The following TMTC2 variants were observed in gnomAD, a reference collection of about 807,000 sequenced individuals.
TMTC2 encodes transmembrane O-mannosyltransferase targeting cadherins 2.
TMTC2 carries 43 observed loss-of-function variants against 82.4 expected under a neutral mutation model. The observed-to-expected ratio is 0.52, with a 90% CI of 0.41 to 0.67. The LOEUF (loss-of-function observed/expected upper bound fraction) is 0.67. Among genes scored for constraint, TMTC2 ranks in the 30% least tolerant of loss-of-function variants. The pLI is 0.00. For missense variants in TMTC2, 919 were observed against 1,012.4 expected, an observed-to-expected ratio of 0.91 and a Z score of 1.25; for synonymous variants, 408 against 381.9, an observed-to-expected ratio of 1.07 and a Z score of -0.80.
At chr12:83,053,888 C>A (rs7304484) in intron 10 of TMTC2, among the ~76,000 whole-genome samples, 67,917 of 151,822 alleles carry the variant, frequency 0.45, 15,801 homozygotes, top group African/African-American at 0.59. Context: ...AGTGCTTCAC[C>A]AGAACACTCT....
intron 2 of TMTC2, among the ~76,000 whole-genome samples, chr12:82,875,297 T>C (rs1872426840): frequency 6.6e-6 from 1 of 152,162 alleles, no homozygotes; most frequent in Non-Finnish European, 1.5e-5. Context: ...TTTTTACTTT[T>C]ATCTGACACT....
At chr12:83,112,781 T>C (rs1022407738) in intron 11 of TMTC2, among the ~76,000 whole-genome samples, 6 of 152,214 alleles carry the variant, frequency 3.9e-5, no homozygotes, top group Non-Finnish European at 8.8e-5. Flanking sequence ...AGATGACATG[T>C]GGCCAAGCTT....
At chr12:83,055,391 G>A (rs1027515997) in intron 10 of TMTC2, among the ~76,000 whole-genome samples, 1 of 151,948 alleles carries the variant, frequency 6.6e-6, no homozygotes, top group Admixed American at 6.6e-5. Context: ...GACATTTTTA[G>A]TACTTCAAAC....
At chr12:82,922,738 G>A (rs1875469782) in intron 3 of TMTC2, among the ~76,000 whole-genome samples, 1 of 152,004 alleles carries the variant, frequency 6.6e-6, no homozygotes, top group African/African-American at 2.4e-5. Context: ...GATATTTTGG[G>A]CATGAATCAA....
intron 11 of TMTC2, among the ~76,000 whole-genome samples, chr12:83,089,752 G>A (rs746615063): frequency 3.5e-4 from 53 of 151,268 alleles, no homozygotes; most frequent in African/African-American, 1.3e-3. Flanking sequence ...TGTGGATCTC[G>A]CATAAGCCAT....
At chr12:83,086,297 C>G (rs1379974895) in intron 11 of TMTC2, among the ~76,000 whole-genome samples, 1 of 152,082 alleles carries the variant, frequency 6.6e-6, no homozygotes, top group Non-Finnish European at 1.5e-5. Context: ...GTGGGGCGGC[C>G]GGGCAGAGGC....
chr12:83,073,118 G>A (rs1883172658), intron 11 of TMTC2, among the ~76,000 whole-genome samples: 1 of 151,688 alleles, frequency 6.6e-6, no homozygotes, highest in South Asian at 2.1e-4. Flanking sequence ...GTGTTTTGAT[G>A]TGTTTCCAGG....
At chr12:82,990,946 G>A (rs1879373344) in intron 8 of TMTC2, among the ~76,000 whole-genome samples, 1 of 152,126 alleles carries the variant, frequency 6.6e-6, no homozygotes, top group African/African-American at 2.4e-5. Context: ...AGGGTGGCAT[G>A]ATTATAGAGT....
chr12:83,064,135 ATTTTTG>A (rs1882838836), intron 11 of TMTC2, among the ~76,000 whole-genome samples: 1 of 151,694 alleles, frequency 6.6e-6, no homozygotes, highest in Admixed American at 6.6e-5. Context: ...TATCATGTTG[ATTTTTG>A]GTCAAGTGGT....
intron 4 of TMTC2, among the ~76,000 whole-genome samples, chr12:82,937,168 A>G (rs867577571): frequency 1.8e-4 from 28 of 152,244 alleles, no homozygotes; most frequent in African/African-American, 6.5e-4. Context: ...ACTACAAGGT[A>G]CATAGCTTAA....
chr12:82,992,783 A>T (rs1316199956), intron 8 of TMTC2, among the ~76,000 whole-genome samples: 3 of 152,146 alleles, frequency 2.0e-5, no homozygotes, highest in Non-Finnish European at 4.4e-5. Context: ...AGGAATCTCC[A>T]AAATCTCTCA....
intron 1 of TMTC2, among the ~76,000 whole-genome samples, chr12:82,852,040 G>C (rs1018051332): frequency 1.3e-5 from 2 of 151,332 alleles, no homozygotes; most frequent in Non-Finnish European, 2.9e-5. Context: ...CAAAAACAAA[G>C]AGCCACAAAT....
At chr12:82,949,675 TAA>T (rs1425214625) in intron 4 of TMTC2, among the ~76,000 whole-genome samples, 2 of 152,306 alleles carry the variant, frequency 1.3e-5, no homozygotes, top group Non-Finnish European at 2.9e-5. Context: ...TTATATAATA[TAA>T]GAGACGTTAA....
intron 1 of TMTC2, among the ~76,000 whole-genome samples, chr12:82,813,141 A>G (rs1389124881): frequency 1.3e-5 from 2 of 152,052 alleles, no homozygotes; most frequent in Non-Finnish European, 2.9e-5. Flanking sequence ...CAGCTATGTA[A>G]TACTTATGCC....
chr12:82,815,316 A>G (rs1025914342), intron 1 of TMTC2, among the ~76,000 whole-genome samples: 1 of 145,162 alleles, frequency 6.9e-6, no homozygotes, highest in Non-Finnish European at 1.5e-5. Flanking sequence ...TTAATTATTT[A>G]TTTATTTATT....
At chr12:83,084,653 A>T (rs1529803) in intron 11 of TMTC2, among the ~76,000 whole-genome samples, 112,169 of 152,136 alleles carry the variant, frequency 0.74, 41,395 homozygotes, top group South Asian at 0.77. Context: ...CTAAAATTCA[A>T]AACATGTTTT....
intron 4 of TMTC2, among the ~76,000 whole-genome samples, chr12:82,939,299 AT>A (rs1876574659): frequency 6.6e-6 from 1 of 152,026 alleles, no homozygotes; most frequent in Admixed American, 6.5e-5. Flanking sequence ...TTTTGCATAT[AT>A]TTTCAACTAA....
At chr12:82,837,728 A>G (rs1340689909) in intron 1 of TMTC2, among the ~76,000 whole-genome samples, 2 of 152,218 alleles carry the variant, frequency 1.3e-5, no homozygotes, top group Admixed American at 6.5e-5. Flanking sequence ...CCTTTTAAAT[A>G]TCAGTAGCTG....
At chr12:83,006,692 T>G (rs1372655744) in intron 8 of TMTC2, among the ~76,000 whole-genome samples, 1 of 152,184 alleles carries the variant, frequency 6.6e-6, no homozygotes, top group Non-Finnish European at 1.5e-5. Flanking sequence ...AGCAAAGACT[T>G]GGAACCAACC....
Sources: allele counts gnomAD v4.1 joint callset (sites outside exome capture counted in the v4.1 genomes callset), GRCh38; gene constraint gnomAD v4.1.1; transcripts MANE v1.5; gene names NCBI Gene and HGNC (gene_info 2026-07-23, HGNC 2026-07-21).